The following SLC8A1 variants were observed in gnomAD, a reference collection of about 807,000 sequenced individuals.
SLC8A1 encodes the protein sodium/calcium exchanger 1.
A neutral mutation model predicts 68.3 loss-of-function variants in SLC8A1; 18 were observed. That is an observed-to-expected ratio of 0.26 (90% confidence interval 0.18 to 0.39). SLC8A1 has a LOEUF of 0.39. SLC8A1 is among the 10% of genes least tolerant of loss of function. The pLI is 1.00. For missense variants in SLC8A1, 985 were observed against 1,156.7 expected (o/e 0.85, Z 2.15); for synonymous variants, 475 against 415.5 (o/e 1.14, Z -1.74).
chr2:40,272,996 G>T (rs2066239537), intron 2 of SLC8A1, among the ~76,000 whole-genome samples: 1 of 152,206 alleles, frequency 6.6e-6, no homozygotes, highest in African/African-American at 2.4e-5. Flanking sequence ...AGGCTGGAGT[G>T]CATTGGCAGG....
chr2:40,293,283 G>A (rs1394468278), intron 2 of SLC8A1, among the ~76,000 whole-genome samples: 1 of 152,080 alleles, frequency 6.6e-6, no homozygotes, highest in South Asian at 2.1e-4. Flanking sequence ...CAGGGAACAT[G>A]GATGCTAACA....
intron 2 of SLC8A1, among the ~76,000 whole-genome samples, chr2:40,237,260 G>A (rs2060521713): frequency 6.6e-6 from 1 of 152,036 alleles, no homozygotes; most frequent in Non-Finnish European, 1.5e-5. Flanking sequence ...CGTAGATTTG[G>A]TCTTTTCACA....
intron 2 of SLC8A1, among the ~76,000 whole-genome samples, chr2:40,384,549 A>G (rs1682960233): frequency 6.6e-6 from 1 of 152,134 alleles, no homozygotes; most frequent in Non-Finnish European, 1.5e-5. Context: ...ATTCTTCTAT[A>G]AATAAGAAAT....
chr2:40,342,745 G>A (rs1306701822), intron 2 of SLC8A1, among the ~76,000 whole-genome samples: 1 of 152,134 alleles, frequency 6.6e-6, no homozygotes, highest in East Asian at 1.9e-4. Context: ...ACTTCAAGGT[G>A]CAGTGCCATT....
At chr2:40,144,566 T>A (rs2042115883) in intron 6 of SLC8A1, among the ~76,000 whole-genome samples, 1 of 151,972 alleles carries the variant, frequency 6.6e-6, no homozygotes, top group Admixed American at 6.6e-5. Flanking sequence ...GATACAGTGG[T>A]ACCTTTTTTT....
At chr2:40,391,142 AAT>A (rs56902340) in intron 2 of SLC8A1, among the ~76,000 whole-genome samples, 57 of 148,872 alleles carry the variant, frequency 3.8e-4, no homozygotes, top group African/African-American at 8.1e-4. Context: ...TTCTCCTTAA[AAT>A]ATATATATAT....
At chr2:40,252,926 CATGT>C (rs1339365337) in intron 2 of SLC8A1, among the ~76,000 whole-genome samples, 1 of 114,794 alleles carries the variant, frequency 8.7e-6, no homozygotes, top group East Asian at 2.2e-4. Context: ...TATATACATA[CATGT>C]ATATGTATGT....
intron 2 of SLC8A1, among the ~76,000 whole-genome samples, chr2:40,334,033 G>A (rs1037944937): frequency 4.6e-5 from 7 of 152,110 alleles, no homozygotes; most frequent in African/African-American, 1.7e-4. Flanking sequence ...GGCAACAAGA[G>A]AGAAACTCCA....
chr2:40,261,743 G>T (rs528527064), intron 2 of SLC8A1, among the ~76,000 whole-genome samples: 5 of 800 alleles, frequency 6.3e-3, no homozygotes, highest in Admixed American at 0.045. Context: ...CTGCGTAAGT[G>T]CCACAGTCGT....
At chr2:40,303,510 G>C (rs764735672) in intron 2 of SLC8A1, among the ~76,000 whole-genome samples, 2 of 152,146 alleles carry the variant, frequency 1.3e-5, no homozygotes, top group African/African-American at 2.4e-5. Flanking sequence ...CCACTAACTT[G>C]ACTTTGTCTT....
Position 40,174,809 on chromosome 2 carries a change from C to T in SLC8A1, c.1930+16G>A. 6.2e-7 allele frequency: 1 copy of T among 1,609,046 alleles called. No homozygotes were observed. The highest frequency in any genetic ancestry group is 8.5e-7 in the Non-Finnish European group (1 of 1,176,000). On this transcript the variant is annotated intron_variant, in intron 4 of 7. Coordinates refer to ENST00000406785, the Ensembl canonical transcript of SLC8A1. ...ACAGTAAAAGTTAGATAGCATTAGA[C>T]TTGAAAAATTCATACCTGTTATTGT...
intron 6 of SLC8A1, among the ~76,000 whole-genome samples, chr2:40,158,426 G>A (rs423818): frequency 0.036 from 5,441 of 152,204 alleles, 340 homozygotes; most frequent in African/African-American, 0.12. Flanking sequence ...AAATAAGGTC[G>A]ATTTACCCAG....
At position 40,487,053 on chromosome 2, in the gene SLC8A1, A is replaced by ATTTATGTAC. The variant is rs1441484605; in HGVS notation, c.-25+25295_-25+25296insGTACATAAA. Among the ~76,000 whole-genome samples, 4 of 152,090 alleles carry ATTTATGTAC rather than the reference A, an allele frequency of 2.6e-5. No homozygotes were observed. In the East Asian group the frequency reaches 7.7e-4, roughly 29 times the overall value. On this transcript the variant is annotated intron_variant, in intron 1 of 7. Transcript: ENST00000402441. Reference sequence around the variant, plus strand: ...CCGGGGCTTAATATGTTTTTATGTAATACTGCCTTTAATAAAGTTGCATCG... The same window carrying ATTTATGTAC: ...CCGGGGCTTAATATGTTTTTATGTAATTTATGTACTACTGCCTTTAATAAAGTTGCATCG...
At chr2:40,218,695 G>A (rs1050711271) in intron 2 of SLC8A1, among the ~76,000 whole-genome samples, 16 of 150,798 alleles carry the variant, frequency 1.1e-4, no homozygotes, top group Admixed American at 6.7e-5. Flanking sequence ...TGACCATAAT[G>A]CTTTATGAAA....
At chr2:40,374,414 G>A (rs1340316557) in intron 2 of SLC8A1, among the ~76,000 whole-genome samples, 2 of 151,514 alleles carry the variant, frequency 1.3e-5, no homozygotes, top group Non-Finnish European at 2.9e-5. Context: ...AAGATGAAAT[G>A]AATAAAAATA....
At chr2:40,178,281 T>A (rs2048840639) in intron 2 of SLC8A1, 106 bp downstream of exon 3, 1 of 840,574 alleles carries the variant, frequency 1.2e-6, no homozygotes. Flanking sequence ...GTTACATAGG[T>A]GGAGGGATGT....
intron 2 of SLC8A1, among the ~76,000 whole-genome samples, chr2:40,315,718 T>C (rs2074354080): frequency 6.6e-6 from 1 of 152,054 alleles, no homozygotes; most frequent in South Asian, 2.1e-4. Context: ...AGTCTTTTCA[T>C]GTAGCTAAAG....
At chr2:40,342,676 A>G (rs938349405) in intron 2 of SLC8A1, among the ~76,000 whole-genome samples, 14 of 152,162 alleles carry the variant, frequency 9.2e-5, no homozygotes, top group Non-Finnish European at 7.4e-5. Context: ...GATCCTTCTA[A>G]TAATTGGAAT....
At chr2:40,380,928 C>G (rs913212832) in intron 2 of SLC8A1, among the ~76,000 whole-genome samples, 1 of 152,098 alleles carries the variant, frequency 6.6e-6, no homozygotes, top group Non-Finnish European at 1.5e-5. Context: ...GTCTGGCTTT[C>G]TGTGACATGC....
Sources: gnomAD v4.1 joint callset for allele counts (sites outside exome capture counted in the v4.1 genomes callset) on GRCh38, gnomAD v4.1.1 for gene constraint, MANE v1.5 for transcripts, NCBI Gene and HGNC (gene_info 2026-07-23, HGNC 2026-07-21) for gene names.